Variants in GRAMD1C observed in about 807,000 individuals in gnomAD.
The protein encoded by GRAMD1C is GRAM domain containing 1C.
A neutral mutation model predicts 97.8 loss-of-function variants in GRAMD1C; 89 were observed. That is an observed-to-expected ratio of 0.91 (90% CI 0.77 to 1.09). GRAMD1C has a LOEUF of 1.09. GRAMD1C is among the 50% of genes least tolerant of loss of function. The probability of loss-of-function intolerance (pLI) is 0.00; values close to 1 mark genes in which losing one functional copy is unlikely to be tolerated. For synonymous variants in GRAMD1C, 256 were observed against 267.0 expected, an observed-to-expected ratio of 0.96 and a Z score of 0.40; for missense variants, 740 against 766.4, an observed-to-expected ratio of 0.97 and a Z score of 0.41.
intron 8 of GRAMD1C, among the ~76,000 whole-genome samples, chr3:113,906,984 G>A (rs1936394886): frequency 6.6e-6 from 1 of 152,136 alleles, no homozygotes; most frequent in South Asian, 2.1e-4. Flanking sequence ...ATACCATATA[G>A]CCTGGGTGTG....
intron 10 of GRAMD1C, among the ~76,000 whole-genome samples, chr3:113,921,035 A>G (rs764269643): frequency 7.2e-5 from 11 of 152,150 alleles, no homozygotes; most frequent in Non-Finnish European, 1.5e-4. Context: ...GGTACCCAAT[A>G]GGTAGTTTTC....
At chr3:113,933,336 T>G (rs953043851) in intron 11 of GRAMD1C, among the ~76,000 whole-genome samples, 175 bp from the exon 12 acceptor site, 3 of 152,212 alleles carry the variant, frequency 2.0e-5, no homozygotes, top group Non-Finnish European at 4.4e-5. Context: ...CCGGCCCTCT[T>G]TTTCTCAATT....
chr3:113,904,593 T>C (rs1936290614), intron 8 of GRAMD1C, among the ~76,000 whole-genome samples: 2 of 150,122 alleles, frequency 1.3e-5, no homozygotes, highest in Non-Finnish European at 3.0e-5. Flanking sequence ...AAGTACTGTG[T>C]GTGCTGGAAA....
intron 3 of GRAMD1C, among the ~76,000 whole-genome samples, chr3:113,874,717 A>C (rs1349047964): frequency 1.3e-5 from 2 of 152,050 alleles, no homozygotes; most frequent in Non-Finnish European, 2.9e-5. Context: ...ACCCCTCTTT[A>C]CTTTTGTCTA....
At chr3:113,836,040 G>A (rs570681059), upstream of GRAMD1C, among the ~76,000 whole-genome samples, 1 of 152,256 alleles carries the variant, frequency 6.6e-6, no homozygotes, top group Admixed American at 6.5e-5. Context: ...GTGGCGGGTG[G>A]ATCACTTGAG....
At chr3:113,882,417 A>G (rs951731744) in intron 5 of GRAMD1C, among the ~76,000 whole-genome samples, 25 of 152,190 alleles carry the variant, frequency 1.6e-4, no homozygotes, top group African/African-American at 6.0e-4. Flanking sequence ...TCAGAATAAA[A>G]TAAAGTTTCA....
intron 1 of GRAMD1C, among the ~76,000 whole-genome samples, chr3:113,841,378 C>T (rs1251723742): frequency 2.0e-5 from 3 of 150,094 alleles, no homozygotes; most frequent in Non-Finnish European, 4.4e-5. Context: ...CTCCACCTCC[C>T]GGGTTCAAGC....
At chr3:113,835,770 A>G (rs75665771), upstream of GRAMD1C, among the ~76,000 whole-genome samples, 2,675 of 152,316 alleles carry the variant, frequency 0.018, 74 homozygotes, top group African/African-American at 0.059. Flanking sequence ...GTGTTTAGAC[A>G]TGATTACCCA....
intron 2 of GRAMD1C, among the ~76,000 whole-genome samples, chr3:113,861,118 T>C (rs1364720422): frequency 3.9e-5 from 6 of 152,146 alleles, no homozygotes; most frequent in Non-Finnish European, 7.4e-5. Flanking sequence ...TTTCCACAAA[T>C]GATACAACTA....
intron 17 of GRAMD1C, among the ~76,000 whole-genome samples, chr3:113,943,326 A>G (rs1559830759): frequency 6.6e-6 from 1 of 152,244 alleles, no homozygotes; most frequent in African/African-American, 2.4e-5. Flanking sequence ...CCATAAAAAA[A>G]TCTTTTTGTG....
chr3:113,906,183 T>C (rs1936367013), intron 8 of GRAMD1C, among the ~76,000 whole-genome samples: 1 of 152,092 alleles, frequency 6.6e-6, no homozygotes, highest in Admixed American at 6.6e-5. Flanking sequence ...AATAAAATAA[T>C]AAATCATTAT....
At chr3:113,929,644 T>C (rs1437343172) in intron 10 of GRAMD1C, among the ~76,000 whole-genome samples, 3 of 152,230 alleles carry the variant, frequency 2.0e-5, no homozygotes, top group Admixed American at 6.5e-5. Context: ...TCTTCTTTTA[T>C]ATATACCTAA....
intron 6 of GRAMD1C, among the ~76,000 whole-genome samples, chr3:113,892,780 G>T (rs1053250069): frequency 6.6e-6 from 1 of 152,072 alleles, no homozygotes; most frequent in African/African-American, 2.4e-5. Context: ...TCTTTGTAAA[G>T]AACTGTGCAG....
intron 2 of GRAMD1C, among the ~76,000 whole-genome samples, chr3:113,852,845 C>T (rs1011944698): frequency 2.6e-5 from 4 of 151,910 alleles, no homozygotes; most frequent in Admixed American, 2.0e-4. Context: ...AGGTTGAAGA[C>T]AAGGAAACTT....
intron 17 of GRAMD1C, among the ~76,000 whole-genome samples, chr3:113,944,880 G>T (rs1401605935): frequency 6.6e-6 from 1 of 152,210 alleles, no homozygotes; most frequent in African/African-American, 2.4e-5. Flanking sequence ...AGATGTCCAG[G>T]TGTATTGTTA....
At chr3:113,912,243 C>T (rs1377364096) in intron 9 of GRAMD1C, among the ~76,000 whole-genome samples, 1 of 152,140 alleles carries the variant, frequency 6.6e-6, no homozygotes, top group Non-Finnish European at 1.5e-5. Flanking sequence ...GACATCTCCA[C>T]TGCATTATAT....
At chr3:113,940,067 T>C (rs1286649768) in intron 16 of GRAMD1C, 71 bp downstream of exon 16, 3 of 955,610 alleles carry the variant, frequency 3.1e-6, no homozygotes, top group Non-Finnish European at 5.1e-6. Context: ...GAAAACTTAA[T>C]TTCAGTTTCA....
intron 6 of GRAMD1C, among the ~76,000 whole-genome samples, chr3:113,888,773 T>G (rs1009999885): frequency 6.6e-6 from 1 of 152,216 alleles, no homozygotes; most frequent in African/African-American, 2.4e-5. Flanking sequence ...AAAAACAGTT[T>G]GGCAGCTCCT....
In GRAMD1C at chr3:113,929,688, ACT is replaced by A. The variant is rs751151216; in HGVS notation, c.1091-1023_1091-1022del. ...TTTTACAGAAAATCCTGGATGATAGACTCTATGATTTGTGATTTTGCCTTTTT... is the reference window on the plus strand; with the variant it reads ...TTTTACAGAAAATCCTGGATGATAGACTATGATTTGTGATTTTGCCTTTTT... On this transcript the variant is annotated intron_variant, in intron 10 of 17. Coordinates refer to ENST00000358160, the MANE Select transcript of GRAMD1C (RefSeq NM_017577.5). Among the ~76,000 whole-genome samples, 54 of 152,154 alleles carry A rather than the reference ACT, an allele frequency of 3.5e-4. 1 individual carries two copies. The highest frequency in any genetic ancestry group is 6.6e-4 in the Non-Finnish European group (45 of 68,014).
Sources: allele counts gnomAD v4.1 joint callset (sites outside exome capture counted in the v4.1 genomes callset), GRCh38; gene constraint gnomAD v4.1.1; transcripts MANE v1.5; gene names NCBI Gene and HGNC (gene_info 2026-07-23, HGNC 2026-07-21).